Variants in HELLS observed in about 807,000 individuals in gnomAD.
HELLS encodes lymphoid-specific helicase.
HELLS carries 32 observed loss-of-function variants against 120.0 expected under a neutral mutation model. The observed-to-expected ratio is 0.27, with a 90% CI of 0.20 to 0.36. The LOEUF (loss-of-function observed/expected upper bound fraction) is 0.36, where lower values mean the gene tolerates loss of function less well. HELLS is among the 10% of genes least tolerant of loss of function. The pLI is 1.00. For missense variants in HELLS, 650 were observed against 993.4 expected (o/e 0.65, Z 4.65); for synonymous variants, 341 against 323.4 (o/e 1.05, Z -0.58).
intron 21 of HELLS, 33 bp downstream of exon 21, chr10:94,597,144 C>T (rs1400198178): frequency 9.2e-6 from 11 of 1,200,034 alleles, no homozygotes; most frequent in East Asian, 4.7e-5. Context: ...ATGGAAGCTT[C>T]GAAACATACA....
exon 10 of HELLS, chr10:94,610,677 T>A (rs1477801245): frequency 6.6e-6 from 1 of 152,082 alleles, no homozygotes; most frequent in Non-Finnish European, 1.5e-5. Context: ...CAATCTCCGC[T>A]TCCCAGGTTC....
At chr10:94,605,258 T>C (rs1349165541), downstream of HELLS, among the ~76,000 whole-genome samples, 1 of 152,014 alleles carries the variant, frequency 6.6e-6, no homozygotes, top group Non-Finnish European at 1.5e-5. Flanking sequence ...AATTTTTGTA[T>C]TTTTAGTAGG....
At chr10:94,548,993 CA>C (rs893490172) in intron 2 of HELLS, among the ~76,000 whole-genome samples, 7 of 146,406 alleles carry the variant, frequency 4.8e-5, no homozygotes, top group African/African-American at 7.5e-5. Flanking sequence ...GATTCCGTCT[CA>C]AAAAAAAAAG....
At chr10:94,610,011 C>T (rs903541701) in exon 10 of HELLS, 13 of 152,090 alleles carry the variant, frequency 8.5e-5, no homozygotes, top group South Asian at 2.1e-4. Context: ...TTGATCAATT[C>T]GTTATTGTTT....
At chr10:94,607,122 T>C (rs773286680) in intron 8 of HELLS, among the ~76,000 whole-genome samples, 7 of 152,206 alleles carry the variant, frequency 4.6e-5, no homozygotes, top group Non-Finnish European at 8.8e-5. Flanking sequence ...TCCAGACTGA[T>C]TCACCCTTTT....
chr10:94,587,838 T>G (rs1845250466), intron 12 of HELLS, among the ~76,000 whole-genome samples: 1 of 152,252 alleles, frequency 6.6e-6, no homozygotes, highest in Non-Finnish European at 1.5e-5. Context: ...CTTTTTGTAC[T>G]CATTATTTCA....
chr10:94,587,982 T>C (rs918479497), intron 12 of HELLS, among the ~76,000 whole-genome samples: 2 of 152,336 alleles, frequency 1.3e-5, no homozygotes, highest in East Asian at 1.9e-4. Flanking sequence ...ATATTTTTAC[T>C]TTTAAAATTA....
intron 13 of HELLS, among the ~76,000 whole-genome samples, chr10:94,588,974 C>T (rs1260439442): frequency 6.6e-6 from 1 of 151,970 alleles, no homozygotes; most frequent in African/African-American, 2.4e-5. Context: ...TGGAGAAAAC[C>T]CTGTCTCTAC....
At chr10:94,552,234 T>C (rs1447556380) in intron 2 of HELLS, among the ~76,000 whole-genome samples, 1 of 133,066 alleles carries the variant, frequency 7.5e-6, no homozygotes, top group East Asian at 2.7e-4. Flanking sequence ...CTAGACTTTT[T>C]AAGTCAAGAG....
At chr10:94,600,638 A>G (rs749784416) in intron 21 of HELLS, among the ~76,000 whole-genome samples, 26 of 152,174 alleles carry the variant, frequency 1.7e-4, no homozygotes, top group Non-Finnish European at 3.8e-4. Context: ...AAATTAACTT[A>G]GATTCTCCTC....
downstream of HELLS, among the ~76,000 whole-genome samples, chr10:94,604,169 G>C (rs563350309): frequency 3.9e-4 from 59 of 150,498 alleles, no homozygotes; most frequent in Non-Finnish European, 8.9e-5. Flanking sequence ...TCGTCACCTG[G>C]GCTGAAGTAC....
chr10:94,555,733 G>A (rs1843228395), intron 3 of HELLS, among the ~76,000 whole-genome samples: 1 of 152,058 alleles, frequency 6.6e-6, no homozygotes, highest in Admixed American at 6.6e-5. Flanking sequence ...GGTTCAAGCA[G>A]CCCTCCCACC....
intron 12 of HELLS, among the ~76,000 whole-genome samples, chr10:94,583,763 T>C (rs553071780): frequency 6.6e-6 from 1 of 152,256 alleles, no homozygotes; most frequent in Non-Finnish European, 1.5e-5. Context: ...AAAATAAAAT[T>C]GTTCCTTAAG....
At chr10:94,552,004 G>A (rs914185258) in intron 2 of HELLS, among the ~76,000 whole-genome samples, 1 of 152,150 alleles carries the variant, frequency 6.6e-6, no homozygotes, top group Non-Finnish European at 1.5e-5. Context: ...CTCCCAAAGT[G>A]CTGGGATTAC....
exon 10 of HELLS, chr10:94,613,070 G>A (rs1846210337): frequency 6.6e-6 from 1 of 152,188 alleles, no homozygotes; most frequent in African/African-American, 2.4e-5. Flanking sequence ...ATTCTTCAGT[G>A]TGTATCCACC....
chr10:94,579,264 G>A lies in HELLS; in HGVS notation c.1033-2062G>A, dbSNP rs538479172. Among the ~76,000 whole-genome samples, 7 of 146,090 alleles carry A rather than the reference G, an allele frequency of 4.8e-5. No homozygotes were observed. In the East Asian group the frequency reaches 1.4e-3, roughly 29 times the overall value. ...TGCCCAGGCTGGAGTTCAGTGGCGC[G>A]ATCTTAGCTCACTGCAAGCTCCACC... On this transcript the variant is annotated intron_variant, in intron 10 of 21. Coordinates refer to ENST00000348459, the MANE Select transcript of HELLS (RefSeq NM_018063.5).
intron 3 of HELLS, among the ~76,000 whole-genome samples, 198 bp downstream of exon 3, chr10:94,554,446 C>T (rs1843142554): frequency 6.6e-6 from 1 of 152,154 alleles, no homozygotes; most frequent in African/African-American, 2.4e-5. Context: ...AAAAAATTGT[C>T]TTGTGCTGAC....
chr10:94,609,184 C>T lies in HELLS; in HGVS notation c.*2-669C>T, dbSNP rs531711904. Among the ~76,000 whole-genome samples the T allele has an allele frequency of 1.1e-3, 171 of 152,030 alleles. 3 individuals are homozygous for T. Among genetic ancestry groups the T allele is most frequent in the South Asian group, 4.2e-4 (2 of 4,816 alleles). On this transcript the variant is annotated intron_variant, in intron 9 of 9. Transcript: ENST00000371327. ...CATTACAGGCATGTGCCACCACGCCCGGCGAGTTTTGTATTTTTAGTAGAG... is the reference window on the plus strand; with the variant it reads ...CATTACAGGCATGTGCCACCACGCCTGGCGAGTTTTGTATTTTTAGTAGAG...
intron 6 of HELLS, among the ~76,000 whole-genome samples, chr10:94,567,909 T>G (rs1052073945): frequency 1.4e-5 from 2 of 146,268 alleles, no homozygotes; most frequent in African/African-American, 5.1e-5. Context: ...ACCCTGGTTT[T>G]TTTTTTTTTT....
Sources: gnomAD v4.1 joint callset for allele counts (sites outside exome capture counted in the v4.1 genomes callset) on GRCh38, gnomAD v4.1.1 for gene constraint, MANE v1.5 for transcripts, NCBI Gene and HGNC (gene_info 2026-07-23, HGNC 2026-07-21) for gene names.